Variants in TMEM74 observed in about 807,000 individuals in gnomAD.
TMEM74 encodes transmembrane protein 74.
TMEM74 carries 13 observed loss-of-function variants against 18.1 expected under a neutral mutation model. The ratio of observed to expected loss-of-function variants is 0.72; its 90% CI spans 0.47 to 1.14. TMEM74 has a LOEUF of 1.14. TMEM74 is among the 50% of genes most tolerant of loss of function. The probability of loss-of-function intolerance (pLI) is 0.00; values close to 1 mark genes in which losing one functional copy is unlikely to be tolerated. For missense variants in TMEM74, 372 were observed against 375.9 expected, an observed-to-expected ratio of 0.99 and a Z score of 0.09; for synonymous variants, 159 against 146.6, an observed-to-expected ratio of 1.08 and a Z score of -0.61.
intron 1 of TMEM74, among the ~76,000 whole-genome samples, chr8:108,759,261 G>A (rs1211650740): frequency 1.3e-5 from 2 of 152,056 alleles, no homozygotes; most frequent in African/African-American, 4.8e-5. Flanking sequence ...GGTGGATTAA[G>A]TATTAAGAAA....
At chr8:108,760,613 G>C (rs556417274) in intron 1 of TMEM74, among the ~76,000 whole-genome samples, 2 of 152,042 alleles carry the variant, frequency 1.3e-5, no homozygotes, top group Admixed American at 6.6e-5. Flanking sequence ...AGCTCTCCTT[G>C]GAAGAGATGC....
At chr8:108,695,254 G>T (rs1283287970) in intron 1 of TMEM74, among the ~76,000 whole-genome samples, 4 of 152,290 alleles carry the variant, frequency 2.6e-5, no homozygotes, top group East Asian at 1.9e-4. Context: ...AGGAAAAAAA[G>T]GTGGATGTGG....
chr8:108,713,227 A>G (rs1813490704), intron 1 of TMEM74, among the ~76,000 whole-genome samples: 1 of 152,206 alleles, frequency 6.6e-6, no homozygotes, highest in Non-Finnish European at 1.5e-5. Context: ...ATATAAGAAG[A>G]TAAGGCCATA....
intron 2 of TMEM74, among the ~76,000 whole-genome samples, chr8:108,635,102 C>A (rs1159782327): frequency 6.6e-6 from 1 of 151,970 alleles, no homozygotes; most frequent in Non-Finnish European, 1.5e-5. Context: ...TCTGCCTTCC[C>A]TACTCAAGTG....
In TMEM74 at chr8:108,689,001, G is replaced by A. The variant is rs1166906478; in HGVS notation, n.120-33564C>T. On this transcript the variant is annotated intron_variant and non_coding_transcript_variant, in intron 1 of 3. Transcript: ENST00000518838. The stretch of plus-strand genomic sequence containing the variant: ...GTCTGTATGCCAAGGGAATGGGGGT[G>A]ATGGTGAACAGCATTAAGCTACTAA... Among the ~76,000 whole-genome samples, 3 of 152,198 alleles carry A rather than the reference G, an allele frequency of 2.0e-5. No homozygotes were observed. The East Asian group carries it at 5.8e-4, about 29-fold the overall frequency.
chr8:108,618,505 T>G (rs1359798382), intron 2 of TMEM74, among the ~76,000 whole-genome samples: 1 of 152,164 alleles, frequency 6.6e-6, no homozygotes, highest in African/African-American at 2.4e-5. Flanking sequence ...CTGTTTCAGC[T>G]TGAATGTATT....
At chr8:108,718,116 G>A (rs1409958248) in intron 1 of TMEM74, among the ~76,000 whole-genome samples, 1 of 110,398 alleles carries the variant, frequency 9.1e-6, no homozygotes, top group Non-Finnish European at 1.6e-5. Context: ...CCGCCACTAC[G>A]CCCGGCTAAT....
intron 2 of TMEM74, among the ~76,000 whole-genome samples, chr8:108,635,563 G>A (rs566801148): frequency 6.6e-6 from 1 of 152,068 alleles, no homozygotes; most frequent in Non-Finnish European, 1.5e-5. Flanking sequence ...CACACCTTTA[G>A]ACCAGACAAG....
chr8:108,768,817 A>G (rs1371650241), intron 1 of TMEM74, among the ~76,000 whole-genome samples: 1 of 152,122 alleles, frequency 6.6e-6, no homozygotes, highest in Admixed American at 6.6e-5. Context: ...AACTGCTGTC[A>G]CCTTTGCCAA....
At chr8:108,787,096 C>T (rs1340274153) in intron 1 of TMEM74, among the ~76,000 whole-genome samples, 1 of 152,176 alleles carries the variant, frequency 6.6e-6, no homozygotes, top group Non-Finnish European at 1.5e-5. Context: ...GCCCAGTTAA[C>T]GACATTGCAC....
intron 1 of TMEM74, among the ~76,000 whole-genome samples, chr8:108,674,092 C>A (rs1813030416): frequency 6.6e-6 from 1 of 152,106 alleles, no homozygotes; most frequent in African/African-American, 2.4e-5. Flanking sequence ...AGGTAAGAAC[C>A]AATCCTTAGA....
Position 108,782,337 on chromosome 8 carries a change from C to G in TMEM74, c.*1844G>C, listed in dbSNP as rs988735485. On this transcript the variant is annotated 3_prime_UTR_variant, in exon 2 of 2. Transcript: ENST00000297459. ...CAGAAAGCAAAAATCATGTTTATGT[C>G]ATCTCAATTCTTTCTTTTCAGTAAT... 6.6e-6 allele frequency among the ~76,000 whole-genome samples: 1 copy of G among 152,194 alleles called. No homozygotes were observed. Among genetic ancestry groups the G allele is most frequent in the Non-Finnish European group, 1.5e-5 (1 of 68,034 alleles).
chr8:108,758,770 TA>T (rs2130659615), intron 1 of TMEM74, among the ~76,000 whole-genome samples: 1 of 152,144 alleles, frequency 6.6e-6, no homozygotes, highest in South Asian at 2.1e-4. Context: ...AAAAAATGTA[TA>T]AAACAATATA....
At chr8:108,741,072 TA>T (rs1356407652) in intron 1 of TMEM74, among the ~76,000 whole-genome samples, 2 of 152,214 alleles carry the variant, frequency 1.3e-5, no homozygotes, top group African/African-American at 4.8e-5. Flanking sequence ...GAATTTTTTT[TA>T]AAGCATGTTG....
chr8:108,671,496 C>T (rs1035801207), intron 1 of TMEM74, among the ~76,000 whole-genome samples: 2 of 152,164 alleles, frequency 1.3e-5, no homozygotes, highest in Non-Finnish European at 2.9e-5. Flanking sequence ...AAGGTTCATG[C>T]AATATTGATG....
chr8:108,615,907 C>T (rs1267215149), intron 2 of TMEM74, among the ~76,000 whole-genome samples: 2 of 149,972 alleles, frequency 1.3e-5, no homozygotes, highest in African/African-American at 2.5e-5. Flanking sequence ...CTGCCTCAGC[C>T]TCCTGAATAG....
In TMEM74 at chr8:108,782,838, C is replaced by T. The variant is rs1814324619; in HGVS notation, c.*1343G>A. Among the ~76,000 whole-genome samples the T allele has an allele frequency of 6.6e-6, 1 of 152,168 alleles. No individual in the cohort carries two copies. Among genetic ancestry groups the T allele is most frequent in the Non-Finnish European group, 1.5e-5 (1 of 68,040 alleles). ...TTGGAAAAACCTCCAGGCAGAGTTG[C>T]AAAATGTAAGGTATTTCTGAGGCTG... is the stretch of plus-strand genomic sequence containing the variant. On this transcript the variant is annotated 3_prime_UTR_variant, in exon 2 of 2. Transcript: ENST00000297459.
Position 108,783,032 on chromosome 8 carries a change from T to C in TMEM74, c.*1149A>G, listed in dbSNP as rs967524642. Among the ~76,000 whole-genome samples the C allele has an allele frequency of 6.6e-6, 1 of 152,192 alleles. No individual in the cohort carries two copies. The highest frequency in any genetic ancestry group is 2.4e-5 in the African/African-American group (1 of 41,456). On this transcript the variant is annotated 3_prime_UTR_variant, in exon 2 of 2. Transcript: ENST00000297459. ...AGTTGCTGAATGACATCTAGACCAC[T>C]GTGAGTGGGAGGTGAGTTCTGACGA...
At chr8:108,613,788 T>C (rs1333072008) in intron 2 of TMEM74, among the ~76,000 whole-genome samples, 1 of 152,184 alleles carries the variant, frequency 6.6e-6, no homozygotes, top group African/African-American at 2.4e-5. Flanking sequence ...CTCTAGACCT[T>C]ACATCAAATG....
Sources: allele counts gnomAD v4.1 joint callset (sites outside exome capture counted in the v4.1 genomes callset), GRCh38; gene constraint gnomAD v4.1.1; transcripts MANE v1.5; gene names NCBI Gene and HGNC (gene_info 2026-07-23, HGNC 2026-07-21).